PCCA: variants seen among roughly 807,000 people sequenced by gnomAD.
PCCA encodes propionyl-CoA carboxylase alpha chain, mitochondrial.
PCCA carries 74 observed loss-of-function variants against 101.3 expected under a neutral mutation model. The observed-to-expected ratio is 0.73, with a 90% confidence interval of 0.61 to 0.89. The LOEUF (loss-of-function observed/expected upper bound fraction) is 0.89. Ranked by LOEUF, PCCA falls within the 40% of genes least tolerant of loss-of-function variation. The probability of loss-of-function intolerance (pLI) is 0.00; values close to 1 mark genes in which losing one functional copy is unlikely to be tolerated. For synonymous variants in PCCA, 294 were observed against 313.6 expected, an observed-to-expected ratio of 0.94 and a Z score of 0.66; for missense variants, 891 against 907.0, an observed-to-expected ratio of 0.98 and a Z score of 0.23.
chr13:100,192,340 CCT>C (rs1285399507), intron 6 of PCCA, among the ~76,000 whole-genome samples: 1 of 152,138 alleles, frequency 6.6e-6, no homozygotes, highest in African/African-American at 2.4e-5. Context: ...TCCTGGTGCA[CCT>C]CTGTCTTGTC....
At position 100,515,508 on chromosome 13, in the gene PCCA, G is replaced by T; in HGVS notation, c.1981G>T (p.Val661Phe). ...AAAAGTGACTGAGGACACAAGCAGTGTTCTGCGTTCCCCGATGCCCGGAGT... is the reference window on the plus strand; with the variant it reads ...AAAAGTGACTGAGGACACAAGCAGTTTTCTGCGTTCCCCGATGCCCGGAGT... The part of the protein sequence containing the change: ...LEKVTEDTSS[V>F]LRSPMPGVVV... The change falls in exon 22 of 24, where the codon GTT becomes TTT. Residue 661 changes from valine (V) to phenylalanine (F), a missense_variant. Coordinates refer to ENST00000376285, the MANE Select transcript of PCCA (RefSeq NM_000282.4). The T allele has an allele frequency of 6.2e-7, 1 of 1,614,198 alleles. No individual in the cohort carries two copies.
intron 4 of PCCA, among the ~76,000 whole-genome samples, chr13:100,114,424 G>A (rs1310601971): frequency 1.3e-5 from 2 of 152,136 alleles, no homozygotes; most frequent in African/African-American, 4.8e-5. Context: ...CTAAGATGGT[G>A]AAACCCTGTC....
intron 15 of PCCA, among the ~76,000 whole-genome samples, chr13:100,307,923 A>G (rs2066590574): frequency 6.6e-6 from 1 of 152,166 alleles, no homozygotes. Context: ...CAGTGGCACG[A>G]TCTTGGCTCA....
chr13:100,425,402 CT>C (rs1380895981), intron 19 of PCCA, among the ~76,000 whole-genome samples: 1 of 152,220 alleles, frequency 6.6e-6, no homozygotes, highest in Non-Finnish European at 1.5e-5. Context: ...ACGGAAATCA[CT>C]TGAAGCCTCA....
chr13:100,162,641 A>G (rs963377354), intron 6 of PCCA, among the ~76,000 whole-genome samples: 3 of 152,040 alleles, frequency 2.0e-5, no homozygotes, highest in African/African-American at 7.2e-5. Context: ...CTCATCTTGT[A>G]ACTTGGATGC....
chr13:100,365,294 T>C (rs372334605), intron 18 of PCCA, among the ~76,000 whole-genome samples: 1 of 152,190 alleles, frequency 6.6e-6, no homozygotes, highest in African/African-American at 2.4e-5. Flanking sequence ...CAAATTATAA[T>C]ATATATGAAA....
At chr13:100,496,036 T>C (rs1354864071) in intron 21 of PCCA, among the ~76,000 whole-genome samples, 1 of 152,198 alleles carries the variant, frequency 6.6e-6, no homozygotes, top group Non-Finnish European at 1.5e-5. Context: ...TTCTGAACCA[T>C]TTCAGCAAAT....
chr13:100,344,710 G>C (rs531347861), intron 18 of PCCA, among the ~76,000 whole-genome samples: 2 of 152,252 alleles, frequency 1.3e-5, no homozygotes, highest in African/African-American at 4.8e-5. Flanking sequence ...TGTCATACAG[G>C]CACACCTCAT....
At chr13:100,322,563 T>G (rs2068181500) in intron 16 of PCCA, among the ~76,000 whole-genome samples, 1 of 151,878 alleles carries the variant, frequency 6.6e-6, no homozygotes, top group East Asian at 1.9e-4. Flanking sequence ...CAATTTTCTT[T>G]TTTTTAATTT....
chr13:100,388,055 C>T (rs900527431), intron 19 of PCCA, among the ~76,000 whole-genome samples: 1 of 152,204 alleles, frequency 6.6e-6, no homozygotes, highest in Non-Finnish European at 1.5e-5. Context: ...ATAAAACTTT[C>T]AGCGTTGATA....
At chr13:100,145,991 C>T (rs112060886) in intron 4 of PCCA, among the ~76,000 whole-genome samples, 7,946 of 147,796 alleles carry the variant, frequency 0.054, 718 homozygotes, top group African/African-American at 0.19. Context: ...GGCTGGAGTG[C>T]GCTGGTGCAA....
At chr13:100,371,476 C>T (rs1429281433) in intron 19 of PCCA, among the ~76,000 whole-genome samples, 1 of 152,142 alleles carries the variant, frequency 6.6e-6, no homozygotes, top group Non-Finnish European at 1.5e-5. Context: ...GTTAAAATAT[C>T]AGTACCTCTC....
intron 6 of PCCA, among the ~76,000 whole-genome samples, chr13:100,177,359 T>C (rs1216450340): frequency 6.6e-6 from 1 of 152,232 alleles, no homozygotes; most frequent in Non-Finnish European, 1.5e-5. Flanking sequence ...TTGTTAATTT[T>C]GTAGACCTTT....
At chr13:100,266,241 C>T (rs368889174) in intron 10 of PCCA, among the ~76,000 whole-genome samples, 1 of 152,290 alleles carries the variant, frequency 6.6e-6, no homozygotes, top group South Asian at 2.1e-4. Context: ...TACTCATTTG[C>T]TGTCCCCAGC....
chr13:100,236,465 CT>C (rs1223445867), intron 8 of PCCA: 274 of 143,724 alleles, frequency 1.9e-3, no homozygotes, highest in South Asian at 3.1e-3. Context: ...CTTTTCTTTC[CT>C]TTTTTTTTTT....
At chr13:100,119,993 T>A (rs1047585164) in intron 4 of PCCA, among the ~76,000 whole-genome samples, 8 of 152,032 alleles carry the variant, frequency 5.3e-5, no homozygotes, top group African/African-American at 1.7e-4. Flanking sequence ...TGCCTCAGCC[T>A]CCCGAGTAGC....
intron 21 of PCCA, chr13:100,491,759 C>T (rs749449941): frequency 9.6e-5 from 119 of 1,240,644 alleles, no homozygotes; most frequent in Non-Finnish European, 1.2e-4. Flanking sequence ...TTTGTACAAG[C>T]TCTTTTGGAT....
intron 20 of PCCA, among the ~76,000 whole-genome samples, chr13:100,435,373 G>A (rs1057403534): frequency 1.3e-5 from 2 of 152,134 alleles, no homozygotes; most frequent in Non-Finnish European, 2.9e-5. Flanking sequence ...CTGCCATGTC[G>A]AGAATCACAT....
intron 4 of PCCA, among the ~76,000 whole-genome samples, 168 bp downstream of exon 4, chr13:100,112,229 T>C (rs780315537): frequency 6.6e-6 from 1 of 152,226 alleles, no homozygotes; most frequent in Non-Finnish European, 1.5e-5. Context: ...CAGTATCTTC[T>C]ATATGTGCCG....
Sources: gnomAD v4.1 joint callset for allele counts (sites outside exome capture counted in the v4.1 genomes callset) on GRCh38, gnomAD v4.1.1 for gene constraint, MANE v1.5 for transcripts, NCBI Gene and HGNC (gene_info 2026-07-23, HGNC 2026-07-21) for gene names.